Variants in TBC1D19 observed in about 807,000 individuals in gnomAD.
The protein encoded by TBC1D19 is TBC1 domain family, member 19.
In TBC1D19, 60 loss-of-function variants were observed where a neutral mutation model predicts 89.0. The ratio of observed to expected loss-of-function variants is 0.67; its 90% CI spans 0.55 to 0.84. TBC1D19 has a LOEUF of 0.84. Ranked by LOEUF, TBC1D19 falls within the 40% of genes least tolerant of loss-of-function variation. TBC1D19 has a pLI of 0.00. For missense variants in TBC1D19, 500 were observed against 610.8 expected (o/e 0.82, Z 1.91); for synonymous variants, 189 against 199.7 (o/e 0.95, Z 0.45).
chr4:26,640,011 G>A, intron 6 of TBC1D19, 130 bp from the exon 7 acceptor site: 1 of 624,156 alleles, frequency 1.6e-6, no homozygotes, highest in East Asian at 2.9e-5. Context: ...TTAATGCAGT[G>A]TATGCATTCT....
intron 13 of TBC1D19, 119 bp downstream of exon 13, chr4:26,688,526 A>G: frequency 8.0e-7 from 1 of 1,249,312 alleles, no homozygotes; most frequent in Non-Finnish European, 1.0e-6. Flanking sequence ...TGCTTGTCGG[A>G]TGAAATGTTC....
Position 26,742,572 on chromosome 4 carries a change from A to T in TBC1D19, c.1292A>T (p.Tyr431Phe), listed in dbSNP as rs1265791214. 2 of 1,612,330 alleles carry T rather than the reference A, an allele frequency of 1.2e-6. No homozygotes were observed. The highest frequency in any genetic ancestry group is 1.7e-6 in the Non-Finnish European group (2 of 1,179,036). ...CAAACTTATCTTCCCCAACTCTTTT[A>T]TCATCTACGAGAAATTGGGGCTCAA... ...LLQTYLPQLF[Y>F]HLREIGAQPL... Residue 431 changes from tyrosine (Y) to phenylalanine (F), a missense_variant, in exon 18 of 21, where the codon TAT becomes TTT. This residue lies in a region of TBC1D19 where 220 missense variants were observed against 319.1 expected (regional missense o/e 0.69). Coordinates refer to ENST00000264866, the MANE Select transcript of TBC1D19 (RefSeq NM_018317.4).
chr4:26,713,852 C>G (rs1004295142), intron 13 of TBC1D19, among the ~76,000 whole-genome samples: 1 of 152,048 alleles, frequency 6.6e-6, no homozygotes, highest in Non-Finnish European at 1.5e-5. Flanking sequence ...TGTGTATACT[C>G]TCTGACTGGG....
intron 13 of TBC1D19, among the ~76,000 whole-genome samples, chr4:26,703,645 CCTT>C (rs1166483087): frequency 6.6e-6 from 1 of 152,120 alleles, no homozygotes; most frequent in Non-Finnish European, 1.5e-5. Flanking sequence ...ATCCAGTAAT[CCTT>C]CTTTAAAGAA....
rs781595276 is a variant in TBC1D19, at chr4:26,722,685, AT to A, written c.1084+2561del. ...TAATGAGCTCAAGACACCAAAAAAAATCTCGCTATAGTAATAATTGTAACAG... is the reference window on the plus strand; with the variant it reads ...TAATGAGCTCAAGACACCAAAAAAAACTCGCTATAGTAATAATTGTAACAG... On this transcript the variant is annotated intron_variant, in intron 15 of 20. Transcript: ENST00000264866. Among the ~76,000 whole-genome samples the A allele has an allele frequency of 4.2e-4, 64 of 152,318 alleles. No homozygotes were observed. The East Asian group carries it at 0.011, about 25-fold the overall frequency.
At chr4:26,580,498 C>A (rs935806504), upstream of TBC1D19, among the ~76,000 whole-genome samples, 30 of 152,130 alleles carry the variant, frequency 2.0e-4, no homozygotes, top group African/African-American at 6.5e-4. Context: ...GGGTCTTGTG[C>A]CAACAAATGG....
chr4:26,617,030 T>C (rs1475411692), intron 3 of TBC1D19, among the ~76,000 whole-genome samples: 1 of 152,182 alleles, frequency 6.6e-6, no homozygotes, highest in South Asian at 2.1e-4. Context: ...TTAAACCATG[T>C]TTTAGTTTGT....
intron 7 of TBC1D19, among the ~76,000 whole-genome samples, chr4:26,640,822 A>C (rs1743451271): frequency 6.6e-6 from 1 of 152,152 alleles, no homozygotes; most frequent in Non-Finnish European, 1.5e-5. Flanking sequence ...AGATCAAACT[A>C]TGAGGTGGCA....
At chr4:26,829,052 A>G in the TBC1D19 span, among the ~76,000 whole-genome samples, 1 of 152,242 alleles carries the variant, frequency 6.6e-6, no homozygotes, top group Admixed American at 6.5e-5. Context: ...TTGGGCATCC[A>G]CAGATGCCCA....
the TBC1D19 span, among the ~76,000 whole-genome samples, chr4:26,775,693 A>T: frequency 5.4e-3 from 822 of 152,250 alleles, 5 homozygotes; most frequent in African/African-American, 0.019. Flanking sequence ...TTCTTTATAA[A>T]TTACCCAGTC....
At chr4:26,678,528 C>CA (rs1274917565) in intron 11 of TBC1D19, among the ~76,000 whole-genome samples, 4 of 140,446 alleles carry the variant, frequency 2.8e-5, no homozygotes, top group Non-Finnish European at 6.2e-5. Flanking sequence ...AGCGAAACTG[C>CA]TTTTTTTTTT....
chr4:26,767,184 T>TA, the TBC1D19 span, among the ~76,000 whole-genome samples: 1 of 152,106 alleles, frequency 6.6e-6, no homozygotes, highest in African/African-American at 2.4e-5. Flanking sequence ...AACTGATTAA[T>TA]AAAAAATAAA....
At chr4:26,699,868 TG>T (rs1452591734) in intron 13 of TBC1D19, among the ~76,000 whole-genome samples, 8 of 63,910 alleles carry the variant, frequency 1.3e-4, no homozygotes, top group East Asian at 4.0e-4. Context: ...TGTTTTGGGG[TG>T]GGGGGAAGGG....
At chr4:26,604,498 A>G (rs1199786441) in intron 1 of TBC1D19, among the ~76,000 whole-genome samples, 1 of 151,782 alleles carries the variant, frequency 6.6e-6, no homozygotes, top group Non-Finnish European at 1.5e-5. Flanking sequence ...GTACTAACAT[A>G]TATGTACATA....
At chr4:26,645,211 A>T (rs1050436028) in intron 7 of TBC1D19, among the ~76,000 whole-genome samples, 1 of 152,194 alleles carries the variant, frequency 6.6e-6, no homozygotes, top group Non-Finnish European at 1.5e-5. Flanking sequence ...ATCCTAAACA[A>T]AAAGAACAAA....
the TBC1D19 span, among the ~76,000 whole-genome samples, chr4:26,772,491 A>G: frequency 1.3e-5 from 2 of 152,054 alleles, no homozygotes; most frequent in South Asian, 4.2e-4. Context: ...GTTCAGGGGT[A>G]CATGTGCAGG....
chr4:26,633,970 C>T lies in TBC1D19; in HGVS notation c.295-3241C>T, dbSNP rs79651288. ...GCTTTAAATTGTCATGTAATGACTT[C>T]ACTTTTTCTCAAATCATATTTGGAG... On this transcript the variant is annotated intron_variant, in intron 4 of 20. Transcript: ENST00000264866. 0.014 allele frequency among the ~76,000 whole-genome samples: 2,117 copies of T among 152,000 alleles called. 113 individuals are homozygous for T. In the East Asian group the frequency reaches 0.18, roughly 13 times the overall value.
the TBC1D19 span, among the ~76,000 whole-genome samples, chr4:26,857,462 T>C: frequency 6.6e-6 from 1 of 152,112 alleles, no homozygotes; most frequent in Admixed American, 6.5e-5. Context: ...GCGCCGGAAT[T>C]CCCCACTTCT....
chr4:26,734,977 CATATGTATATGTATATATGTATACACAT>C (rs1267249135), intron 15 of TBC1D19, among the ~76,000 whole-genome samples: 3 of 149,616 alleles, frequency 2.0e-5, no homozygotes, highest in Non-Finnish European at 4.5e-5. Flanking sequence ...TATGTATACA[CATATGTATATGTATATATGTATACACAT>C]ATGTATATGT....
Sources: allele counts gnomAD v4.1 joint callset (sites outside exome capture counted in the v4.1 genomes callset), GRCh38; gene constraint gnomAD v4.1.1; regional missense constraint gnomAD v4.1.1; transcripts MANE v1.5; gene names NCBI Gene and HGNC (gene_info 2026-07-23, HGNC 2026-07-21).